TRABD2B: variants seen among roughly 807,000 people sequenced by gnomAD.
TRABD2B encodes metalloprotease TIKI2.
In TRABD2B, 14 loss-of-function variants were observed where a neutral mutation model predicts 40.1. The observed-to-expected ratio is 0.35, with a 90% confidence interval of 0.23 to 0.55. TRABD2B has a LOEUF of 0.55. Ranked by LOEUF, TRABD2B falls within the 20% of genes least tolerant of loss-of-function variation. The pLI is 0.90. For synonymous variants in TRABD2B, 263 were observed against 277.0 expected, an observed-to-expected ratio of 0.95 and a Z score of 0.50; for missense variants, 541 against 648.6, an observed-to-expected ratio of 0.83 and a Z score of 1.80.
rs1252494971 is a variant in TRABD2B, at chr1:47,815,844, G to GCT, written c.667-14226_667-14225insAG. Among the ~76,000 whole-genome samples, 332 of 150,094 alleles carry GCT rather than the reference G, an allele frequency of 2.2e-3. 1 individual carries two copies. Among genetic ancestry groups the GCT allele is most frequent in the Middle Eastern group, 6.9e-3 (2 of 290 alleles). On this transcript the variant is annotated intron_variant, in intron 2 of 6. Coordinates refer to ENST00000606738, the MANE Select transcript of TRABD2B (RefSeq NM_001194986.2). ...AGATAGATAGATAGATAGATAGATA[G>GCT]ATAGATAGAAATAGAGTCAGGAGTG...
chr1:47,839,527 T>C (rs767535703), intron 2 of TRABD2B, among the ~76,000 whole-genome samples: 4 of 152,180 alleles, frequency 2.6e-5, no homozygotes, highest in Non-Finnish European at 5.9e-5. Flanking sequence ...GAGTAGTGGA[T>C]CAACCTCCTC....
At chr1:47,829,413 G>A (rs1645220113) in intron 2 of TRABD2B, among the ~76,000 whole-genome samples, 2 of 152,066 alleles carry the variant, frequency 1.3e-5, no homozygotes, top group African/African-American at 4.8e-5. Context: ...CAGCTCCTAC[G>A]CAGCCTAGGA....
intron 2 of TRABD2B, among the ~76,000 whole-genome samples, chr1:47,959,165 G>A (rs1275673077): frequency 6.6e-6 from 1 of 152,064 alleles, no homozygotes; most frequent in Non-Finnish European, 1.5e-5. Flanking sequence ...TGAAACCAAC[G>A]AGAACAAAGA....
chr1:47,824,282 C>T (rs1645147044), intron 2 of TRABD2B, among the ~76,000 whole-genome samples: 1 of 152,162 alleles, frequency 6.6e-6, no homozygotes, highest in African/African-American at 2.4e-5. Flanking sequence ...ATGGGTAAAT[C>T]CAGTTCCCGC....
At chr1:47,943,893 C>T (rs1645223100) in intron 2 of TRABD2B, among the ~76,000 whole-genome samples, 1 of 152,076 alleles carries the variant, frequency 6.6e-6, no homozygotes, top group Non-Finnish European at 1.5e-5. Flanking sequence ...TACCACACAC[C>T]TACTGCCTGC....
intron 2 of TRABD2B, among the ~76,000 whole-genome samples, chr1:47,893,831 A>G (rs571796634): frequency 6.6e-6 from 1 of 152,136 alleles, no homozygotes; most frequent in Non-Finnish European, 1.5e-5. Flanking sequence ...TCAGAGGGGC[A>G]GGCTCTTGGA....
At chr1:47,973,944 A>C (rs911247387) in intron 2 of TRABD2B, among the ~76,000 whole-genome samples, 3 of 152,126 alleles carry the variant, frequency 2.0e-5, no homozygotes, top group Admixed American at 6.5e-5. Context: ...TCACTACAAA[A>C]AATACAAAAA....
chr1:47,844,505 A>G (rs1645442122), intron 2 of TRABD2B, among the ~76,000 whole-genome samples: 2 of 152,176 alleles, frequency 1.3e-5, no homozygotes, highest in East Asian at 1.9e-4. Flanking sequence ...TATGATCTCA[A>G]TGAACATCTT....
At chr1:47,952,337 C>A (rs1424318408) in intron 2 of TRABD2B, among the ~76,000 whole-genome samples, 1 of 152,220 alleles carries the variant, frequency 6.6e-6, no homozygotes, top group African/African-American at 2.4e-5. Context: ...TGCCTCTGCT[C>A]ATCTAGCCCT....
At chr1:47,856,315 T>C (rs1643889303) in intron 2 of TRABD2B, among the ~76,000 whole-genome samples, 1 of 152,238 alleles carries the variant, frequency 6.6e-6, no homozygotes, top group East Asian at 1.9e-4. Context: ...CCCTCTGCTG[T>C]CCTACTGCTG....
chr1:47,920,812 A>G (rs1004382364), intron 2 of TRABD2B, among the ~76,000 whole-genome samples: 4 of 152,180 alleles, frequency 2.6e-5, no homozygotes, highest in Non-Finnish European at 5.9e-5. Context: ...GAATGACACT[A>G]TGGGAGATCT....
At chr1:47,868,415 T>A (rs1433485121) in intron 2 of TRABD2B, among the ~76,000 whole-genome samples, 1 of 152,008 alleles carries the variant, frequency 6.6e-6, no homozygotes, top group East Asian at 1.9e-4. Flanking sequence ...TAAAGCGGGG[T>A]CCCCAATCCT....
In TRABD2B at chr1:47,813,481, G is replaced by C. The variant is rs1557587372; in HGVS notation, c.667-11862C>G. Among the ~76,000 whole-genome samples the C allele has an allele frequency of 1.3e-5, 2 of 152,172 alleles. No individual in the cohort carries two copies. Among genetic ancestry groups the C allele is most frequent in the Non-Finnish European group, 2.9e-5 (2 of 68,026 alleles). ...CTTCAGAGACAAACAGCAGCTGAAAGGGCAGAGATCTGACCCAGTTTTAAA... is the reference window on the plus strand; with the variant it reads ...CTTCAGAGACAAACAGCAGCTGAAACGGCAGAGATCTGACCCAGTTTTAAA... On this transcript the variant is annotated intron_variant, in intron 2 of 6. Transcript: ENST00000606738. This position sits in a 1 kb window ranked among gnomAD's most constrained non-coding sequence, Gnocchi z 4.3.
rs189683063 is a variant in TRABD2B at position 47,890,551 on chromosome 1, C to A, written c.667-88932G>T. Among the ~76,000 whole-genome samples, 147 of 152,274 alleles carry A rather than the reference C, an allele frequency of 9.7e-4. 1 individual carries two copies. Among genetic ancestry groups the A allele is most frequent in the African/African-American group, 3.4e-3 (140 of 41,560 alleles). ...GTGACCAGGCAGTGAAAGAGCATTT[C>A]TTCAGCTTCCTACTGCTGGGGGGGC... On this transcript the variant is annotated intron_variant, in intron 2 of 6. Transcript: ENST00000606738.
chr1:47,961,013 C>G (rs538371904), intron 2 of TRABD2B, among the ~76,000 whole-genome samples: 191 of 152,202 alleles, frequency 1.3e-3, no homozygotes, highest in African/African-American at 4.3e-3. Context: ...CCAAAACAGA[C>G]ATATAGACCA....
At chr1:47,985,572 T>C (rs1371256151) in intron 2 of TRABD2B, among the ~76,000 whole-genome samples, 2 of 152,260 alleles carry the variant, frequency 1.3e-5, no homozygotes, top group Non-Finnish European at 2.9e-5. Flanking sequence ...CTTAAGGCCC[T>C]AGGTTGTCCC....
At chr1:47,992,882 C>T (rs1025730229) in intron 2 of TRABD2B, among the ~76,000 whole-genome samples, 2 of 152,204 alleles carry the variant, frequency 1.3e-5, no homozygotes, top group African/African-American at 2.4e-5. Flanking sequence ...CCGACAAACC[C>T]GCCTTTCATT....
chr1:47,874,731 C>A lies in TRABD2B; in HGVS notation c.667-73112G>T, dbSNP rs962181331. Among the ~76,000 whole-genome samples the A allele has an allele frequency of 1.7e-4, 25 of 149,400 alleles. 1 individual carries two copies. The highest frequency in any genetic ancestry group is 6.8e-3 in the Middle Eastern group (2 of 294). On this transcript the variant is annotated intron_variant, in intron 2 of 6. Transcript: ENST00000606738. ...GACCGACATGCACCACCAGGCCTGG[C>A]TAATATATATATATATATACACGCA... is the stretch of plus-strand genomic sequence containing the variant.
intron 2 of TRABD2B, among the ~76,000 whole-genome samples, chr1:47,861,193 C>T (rs1280727936): frequency 6.6e-6 from 1 of 151,990 alleles, no homozygotes; most frequent in Non-Finnish European, 1.5e-5. Flanking sequence ...AGCAGTGGTT[C>T]TCAAACTGGG....
Sources: allele counts gnomAD v4.1 joint callset (sites outside exome capture counted in the v4.1 genomes callset), GRCh38; gene constraint gnomAD v4.1.1; non-coding constraint Gnocchi (gnomAD v3.1); transcripts MANE v1.5; gene names NCBI Gene and HGNC (gene_info 2026-07-23, HGNC 2026-07-21).